Variants in CSNK2A2 observed in about 807,000 individuals in gnomAD.
The protein encoded by CSNK2A2 is casein kinase II subunit alpha'.
In CSNK2A2, 8 loss-of-function variants were observed where a neutral mutation model predicts 54.0. That is an observed-to-expected ratio of 0.15 (90% CI 0.09 to 0.27). The LOEUF (loss-of-function observed/expected upper bound fraction) is 0.27, where lower values mean the gene tolerates loss of function less well. Ranked by LOEUF, CSNK2A2 falls within the 10% of genes least tolerant of loss-of-function variation. The pLI is 1.00. For synonymous variants in CSNK2A2, 141 were observed against 153.9 expected, an observed-to-expected ratio of 0.92 and a Z score of 0.62; for missense variants, 242 against 439.4, an observed-to-expected ratio of 0.55 and a Z score of 4.02.
Position 58,165,694 on chromosome 16 carries a change from C to A in CSNK2A2, c.842G>T (p.Arg281Leu). Residue 281 changes from arginine to leucine, a missense_variant, in exon 10 of 12, where the codon CGC becomes CTC. Arg to Leu is a moderately radical substitution (Grantham distance 102, BLOSUM62 -2). Around this residue, in one of 5 missense-constraint regions of CSNK2A2, gnomAD observed 81 missense variants for 135.0 expected, o/e 0.60. Coordinates refer to ENST00000262506, the MANE Select transcript of CSNK2A2 (RefSeq NM_001896.4). ...CTCACTATGGATAAAGTTTTCCCAG[C>A]GTTTCCGTGAATGTCTGAGAAGAAA... ...NDILGQHSRK[R>L]WENFIHSENR... 1 of 1,607,966 alleles carries A rather than the reference C, an allele frequency of 6.2e-7. No homozygotes were observed. The highest frequency in any genetic ancestry group is 8.5e-7 in the Non-Finnish European group (1 of 1,178,366).
chr16:58,184,440 CAAG>C, intron 3 of CSNK2A2, 130 bp from the exon 4 acceptor site: 2 of 581,918 alleles, frequency 3.4e-6, no homozygotes, highest in Admixed American at 6.9e-5. Flanking sequence ...GACAGCCTGT[CAAG>C]AAAAGTATTC....
chr16:58,172,751 G>C (rs1961776557), intron 5 of CSNK2A2, among the ~76,000 whole-genome samples: 1 of 152,214 alleles, frequency 6.6e-6, no homozygotes. Context: ...ATCTCGTACA[G>C]TTTCTGACCA....
At position 58,197,560 on chromosome 16, in the gene CSNK2A2, A is replaced by G. The variant is rs556857717; in HGVS notation, c.104+73T>C. On this transcript the variant is annotated intron_variant, in intron 1 of 11. Coordinates refer to ENST00000262506, the MANE Select transcript of CSNK2A2 (RefSeq NM_001896.4). The surrounding 1 kb of genome is among the most constrained non-coding windows in gnomAD (Gnocchi z 4.0). ...TCGGCGGGAGACACCACCGGGCCCG[A>G]GTGCGGTTCGCAGGGGGTGGCCGGG... 8.8e-6 allele frequency: 9 copies of G among 1,018,144 alleles called. No individual in the cohort carries two copies. Among genetic ancestry groups the G allele is most frequent in the Non-Finnish European group, 1.3e-5 (9 of 712,756 alleles). The allele number at this position is 1,018,144 out of a possible 1,614,324, so 63.1% of individuals were successfully genotyped here. A position where few individuals can be genotyped will look rare whatever the true frequency, so the allele number is the denominator to read the frequency against.
chr16:58,164,054 C>T lies in CSNK2A2; in HGVS notation c.*17G>A. On this transcript the variant is annotated splice_region_variant and 3_prime_UTR_variant, in exon 11 of 12. Coordinates refer to ENST00000262506, the MANE Select transcript of CSNK2A2 (RefSeq NM_001896.4). ...TTGGCAAGCATCAATGCCGCATTAC[C>T]CGTCGCTTTCCAGTCTTCATCGTGC... The T allele has an allele frequency of 6.2e-7, 1 of 1,610,164 alleles. No individual in the cohort carries two copies. The highest frequency in any genetic ancestry group is 8.5e-7 in the Non-Finnish European group (1 of 1,177,374).
At position 58,171,950 on chromosome 16, in the gene CSNK2A2, G is replaced by A. The variant is rs1045815671; in HGVS notation, c.429+2501C>T. Among the ~76,000 whole-genome samples the A allele has an allele frequency of 1.3e-4, 11 of 87,230 alleles. No individual in the cohort carries two copies. In the East Asian group the frequency reaches 2.9e-3, roughly 23 times the overall value. 57.2% of individuals were successfully genotyped at this position (87,230 alleles called of 152,430 possible). A position where few individuals can be genotyped will look rare whatever the true frequency, so the allele number is the denominator to read the frequency against. Reference sequence around the variant, plus strand: ...ACCATAGGCATGTACCACTACACCTGGAGCATGCATATATATATATATATA... The same window carrying A: ...ACCATAGGCATGTACCACTACACCTAGAGCATGCATATATATATATATATA... On this transcript the variant is annotated intron_variant, in intron 5 of 11. Transcript: ENST00000262506.
At chr16:58,159,325 A>G (rs768508476) in intron 11 of CSNK2A2, among the ~76,000 whole-genome samples, 4 of 152,342 alleles carry the variant, frequency 2.6e-5, no homozygotes, top group African/African-American at 4.8e-5. Context: ...CCACAAGGTT[A>G]AAGTCATGCA....
chr16:58,181,445 C>G (rs945595887), intron 4 of CSNK2A2, among the ~76,000 whole-genome samples: 5 of 152,148 alleles, frequency 3.3e-5, no homozygotes, highest in Admixed American at 2.0e-4. Context: ...AGCAGCCAAG[C>G]CTGCATCCTT....
chr16:58,159,364 G>A lies in CSNK2A2; in HGVS notation c.*18-1011C>T, dbSNP rs138491578. Reference sequence around the variant, plus strand: ...AAACAGTCAATCCCAAGAGGCAGGTGTCTGAGTGGCGCGACTCAGAAGCAA... The same window carrying A: ...AAACAGTCAATCCCAAGAGGCAGGTATCTGAGTGGCGCGACTCAGAAGCAA... On this transcript the variant is annotated intron_variant, in intron 11 of 11. Coordinates refer to ENST00000262506, the MANE Select transcript of CSNK2A2 (RefSeq NM_001896.4). 5.0e-3 allele frequency among the ~76,000 whole-genome samples: 758 copies of A among 152,330 alleles called. 4 individuals carry two copies. Among genetic ancestry groups the A allele is most frequent in the African/African-American group, 0.017 (718 of 41,568 alleles).
chr16:58,175,121 G>A (rs536140946), intron 4 of CSNK2A2, among the ~76,000 whole-genome samples: 32 of 152,320 alleles, frequency 2.1e-4, no homozygotes, highest in Admixed American at 4.6e-4. Flanking sequence ...AACACCTGAC[G>A]TCTTAGGAGT....
Position 58,197,133 on chromosome 16 carries a change from G to A in CSNK2A2, c.105-289C>T, listed in dbSNP as rs1450317971. 1.3e-5 allele frequency: 5 copies of A among 378,548 alleles called. No individual in the cohort carries two copies. Among genetic ancestry groups the A allele is most frequent in the South Asian group, 3.3e-5 (1 of 29,864 alleles). 23.4% of individuals were successfully genotyped at this position (378,548 alleles called of 1,614,324 possible). A position where few individuals can be genotyped will look rare whatever the true frequency, so the allele number is the denominator to read the frequency against. ...AGCACCCGTCCTGAAGGCCTAGAGG[G>A]TGCCCCCTGTGCCCCGCGGCTCCCC... On this transcript the variant is annotated intron_variant, in intron 1 of 11. Transcript: ENST00000262506. The surrounding 1 kb of genome is among the most constrained non-coding windows in gnomAD (Gnocchi z 4.0).
intron 5 of CSNK2A2, among the ~76,000 whole-genome samples, chr16:58,172,688 A>G (rs753515938): frequency 2.6e-5 from 4 of 152,250 alleles, no homozygotes; most frequent in East Asian, 1.9e-4. Flanking sequence ...CGGACTCCCT[A>G]TGGAGTTACT....
rs751845454 is a variant in CSNK2A2 at position 58,166,586 on chromosome 16, T to C, written c.825A>G (p.Gly275=). ...DLDPHFNDIL[G]QHSRKRWENF... Reference sequence around the variant, plus strand: ...CTCTCTCTCTCTCTCTTACTTACTGTCCCAGGATATCGTTGAAGTGTGGAT... The same window carrying C: ...CTCTCTCTCTCTCTCTTACTTACTGCCCCAGGATATCGTTGAAGTGTGGAT... Residue 275 remains glycine (G), a splice_region_variant and synonymous_variant, in exon 9 of 12, where the codon GGA becomes GGG. Transcript: ENST00000262506. 1.2e-6 allele frequency: 2 copies of C among 1,600,264 alleles called. No homozygotes were observed. Among genetic ancestry groups the C allele is most frequent in the Non-Finnish European group, 1.7e-6 (2 of 1,167,674 alleles).
At chr16:58,180,341 GA>G (rs1487708961) in intron 4 of CSNK2A2, among the ~76,000 whole-genome samples, 1 of 149,080 alleles carries the variant, frequency 6.7e-6, no homozygotes, top group Non-Finnish European at 1.5e-5. Flanking sequence ...TTAAAAATGT[GA>G]AGGAAAGGAT....
chr16:58,161,779 C>G (rs921933810), intron 11 of CSNK2A2: 2 of 152,182 alleles, frequency 1.3e-5, no homozygotes, highest in Non-Finnish European at 2.9e-5. Context: ...GCATTTCAAG[C>G]CCAGTTATGG....
chr16:58,167,321 G>A lies in CSNK2A2; in HGVS notation c.625-13C>T, dbSNP rs772246715. On this transcript the variant is annotated splice_polypyrimidine_tract_variant and intron_variant, in intron 7 of 11. Transcript: ENST00000262506. The stretch of plus-strand genomic sequence containing the variant: ...TATAATCATACATCTGAGGCAATAA[G>A]GACAACGCATTAGCCAAGGGTATTA... 6.3e-7 allele frequency: 1 copy of A among 1,588,316 alleles called. No individual in the cohort carries two copies. The highest frequency in any genetic ancestry group is 1.1e-5 in the South Asian group (1 of 88,702).
At chr16:58,168,932 T>C (rs543744419) in intron 5 of CSNK2A2, among the ~76,000 whole-genome samples, 37 of 147,046 alleles carry the variant, frequency 2.5e-4, no homozygotes, top group Admixed American at 4.1e-4. Flanking sequence ...GAAGATTTCT[T>C]TTTTTTTTTT....
chr16:58,168,258 T>A (rs1961626475), intron 6 of CSNK2A2, among the ~76,000 whole-genome samples: 1 of 151,994 alleles, frequency 6.6e-6, no homozygotes, highest in South Asian at 2.1e-4. Flanking sequence ...GAGTTGGATA[T>A]CAAAAATAGG....
At chr16:58,171,611 G>A (rs1284364308) in intron 5 of CSNK2A2, among the ~76,000 whole-genome samples, 1 of 151,888 alleles carries the variant, frequency 6.6e-6, no homozygotes, top group Non-Finnish European at 1.5e-5. Context: ...CTGAACAGAA[G>A]AACACAAGAG....
chr16:58,190,229 T>A (rs1031330759), intron 2 of CSNK2A2, among the ~76,000 whole-genome samples: 1 of 152,022 alleles, frequency 6.6e-6, no homozygotes, highest in East Asian at 1.9e-4. Flanking sequence ...ATAAAAAAAT[T>A]TTTTTTTAAC....
Sources: gnomAD v4.1 joint callset for allele counts (sites outside exome capture counted in the v4.1 genomes callset) on GRCh38, gnomAD v4.1.1 for gene constraint, gnomAD v4.1.1 regional missense constraint, Gnocchi (gnomAD v3.1) non-coding constraint, MANE v1.5 for transcripts, NCBI Gene and HGNC (gene_info 2026-07-23, HGNC 2026-07-21) for gene names.